NCOA5: variants seen among roughly 807,000 people sequenced by gnomAD.
NCOA5 encodes nuclear receptor coactivator 5.
In NCOA5, 12 loss-of-function variants were observed where a neutral mutation model predicts 59.0. The observed-to-expected ratio is 0.20, with a 90% CI of 0.13 to 0.33. NCOA5 has a LOEUF of 0.33. Ranked by LOEUF, NCOA5 falls within the 10% of genes least tolerant of loss-of-function variation. The pLI, the probability that NCOA5 is intolerant of heterozygous loss-of-function variation, is 1.00. For missense variants in NCOA5, 655 were observed against 766.6 expected (o/e 0.85, Z 1.72); for synonymous variants, 270 against 275.5 (o/e 0.98, Z 0.20).
chr20:46,064,206 G>A (rs896134072), intron 6 of NCOA5, among the ~76,000 whole-genome samples: 1 of 152,230 alleles, frequency 6.6e-6, no homozygotes, highest in African/African-American at 2.4e-5. Flanking sequence ...ACTGGGTAGT[G>A]AGAGGACTCC....
intron 4 of NCOA5, among the ~76,000 whole-genome samples, chr20:46,068,123 G>A: frequency 6.6e-6 from 1 of 151,982 alleles, no homozygotes; most frequent in East Asian, 1.9e-4. Context: ...TTGTAGAGAT[G>A]GGGTTTTATC....
At chr20:46,087,493 C>T (rs2085056789) in intron 1 of NCOA5, among the ~76,000 whole-genome samples, 1 of 152,234 alleles carries the variant, frequency 6.6e-6, no homozygotes, top group Non-Finnish European at 1.5e-5. Flanking sequence ...CGCGGTGGCT[C>T]ATGCCTGTAA....
chr20:46,086,661 A>C (rs2085048440), intron 1 of NCOA5, among the ~76,000 whole-genome samples: 1 of 152,236 alleles, frequency 6.6e-6, no homozygotes, highest in Non-Finnish European at 1.5e-5. Context: ...TATATGTGCT[A>C]TTCACAGGAC....
chr20:46,073,486 T>G (rs1462990669), intron 2 of NCOA5, among the ~76,000 whole-genome samples: 1 of 152,188 alleles, frequency 6.6e-6, no homozygotes. Flanking sequence ...ACATGTAACA[T>G]CTGATGTAGC....
At chr20:46,079,354 C>T in intron 2 of NCOA5, 33 bp downstream of exon 2, 1 of 1,612,708 alleles carries the variant, frequency 6.2e-7, no homozygotes, top group Non-Finnish European at 8.5e-7. Context: ...GCCCAACTCT[C>T]CCAAGGTAAC....
intron 2 of NCOA5, among the ~76,000 whole-genome samples, chr20:46,077,011 ACTC>A (rs2084944916): frequency 6.6e-6 from 1 of 152,118 alleles, no homozygotes; most frequent in African/African-American, 2.4e-5. Flanking sequence ...AACCCCCTGC[ACTC>A]AAGTGATTCT....
Position 46,062,889 on chromosome 20 carries a change from C to T in NCOA5, c.1151G>A (p.Gly384Asp), listed in dbSNP as rs1255108889. Residue 384 changes from glycine (G) to aspartate (D), a missense_variant and splice_region_variant, in exon 8 of 8, where the codon GGC (glycine) becomes GAC (aspartate). By Grantham distance (94) the Gly-to-Asp change is moderately conservative. Around this residue, in one of 3 missense-constraint regions of NCOA5, gnomAD observed 325 missense variants for 353.2 expected, o/e 0.92. Coordinates refer to ENST00000290231, the MANE Select transcript of NCOA5 (RefSeq NM_020967.3). ...LMRSSTDSLP[G>D]PISRQPLGAT... The stretch of plus-strand genomic sequence containing the variant: ...CCCGAGTGGTTGGCGGGAAATCGGG[C>T]CTGGAAGACAGAAGAGGGAGGTATC... 7 of 1,513,226 alleles carry T rather than the reference C, an allele frequency of 4.6e-6. No individual in the cohort carries two copies. The highest frequency in any genetic ancestry group is 6.2e-6 in the Non-Finnish European group (7 of 1,132,992). 93.7% of individuals were successfully genotyped at this position (1,513,226 alleles called of 1,614,324 possible).
At position 46,068,776 on chromosome 20, in the gene NCOA5, A is replaced by T; in HGVS notation, c.366-138T>A. ...ATTATCAGCTCTGTGGCTGTGATAGAGTTAACCTGTCTCACTGAGATGATG... is the reference window on the plus strand; with the variant it reads ...ATTATCAGCTCTGTGGCTGTGATAGTGTTAACCTGTCTCACTGAGATGATG... On this transcript the variant is annotated intron_variant, in intron 3 of 7. Transcript: ENST00000290231. The T allele has an allele frequency of 4.0e-6, 3 of 751,072 alleles. No homozygotes were observed. The South Asian group carries it at 6.4e-5, about 16-fold the overall frequency. 46.5% of individuals were successfully genotyped at this position (751,072 alleles called of 1,614,324 possible).
In NCOA5 at chr20:46,079,471, C is replaced by A. The variant is rs775243547; in HGVS notation, c.-29-18G>T. The A allele has an allele frequency of 1.3e-6, 2 of 1,583,712 alleles. No homozygotes were observed. The highest frequency in any genetic ancestry group is 1.3e-5 in the African/African-American group (1 of 74,202). On this transcript the variant is annotated intron_variant, in intron 1 of 7. Transcript: ENST00000290231. The stretch of plus-strand genomic sequence containing the variant: ...ATTAATATCTGAAAAGAATAATCAA[C>A]CCATCTGTTCAATGCTACGGAATAA...
At chr20:46,072,339 T>C (rs1422323145) in intron 2 of NCOA5, among the ~76,000 whole-genome samples, 1 of 152,206 alleles carries the variant, frequency 6.6e-6, no homozygotes, top group Non-Finnish European at 1.5e-5. Flanking sequence ...TTTATTTTTA[T>C]AGGGATGAGA....
chr20:46,089,386 A>T (rs889047009), intron 1 of NCOA5, among the ~76,000 whole-genome samples: 8 of 152,208 alleles, frequency 5.3e-5, no homozygotes, highest in Non-Finnish European at 8.8e-5. Flanking sequence ...GCCCGGTGCC[A>T]CGGGACGCCT....
At chr20:46,084,851 A>G (rs1300440362) in intron 1 of NCOA5, among the ~76,000 whole-genome samples, 2 of 152,238 alleles carry the variant, frequency 1.3e-5, no homozygotes, top group African/African-American at 4.8e-5. Context: ...CAGATTTAAA[A>G]CTGGCAAATT....
chr20:46,075,351 GT>G (rs930762100), intron 2 of NCOA5, among the ~76,000 whole-genome samples: 8 of 152,144 alleles, frequency 5.3e-5, no homozygotes, highest in African/African-American at 1.9e-4. Context: ...GAATTTCTTT[GT>G]GGCCCACCTA....
chr20:46,080,620 C>T (rs921294466), intron 1 of NCOA5, among the ~76,000 whole-genome samples: 1 of 152,052 alleles, frequency 6.6e-6, no homozygotes, highest in African/African-American at 2.4e-5. Flanking sequence ...GCTATTTTGC[C>T]AACTTTTGAG....
chr20:46,073,752 G>A (rs1017797331), intron 2 of NCOA5, among the ~76,000 whole-genome samples: 4 of 152,072 alleles, frequency 2.6e-5, no homozygotes, highest in Non-Finnish European at 1.5e-5. Flanking sequence ...CACCTTCGGA[G>A]TATTATAAGT....
intron 5 of NCOA5, 85 bp from the exon 6 acceptor site, chr20:46,065,313 A>AT: frequency 1.5e-6 from 2 of 1,319,214 alleles, no homozygotes; most frequent in Non-Finnish European, 2.2e-6. Context: ...GTTCCTACTG[A>AT]TAACTCAAAC....
chr20:46,079,254 G>T, intron 2 of NCOA5, 133 bp downstream of exon 2: 3 of 807,586 alleles, frequency 3.7e-6, no homozygotes, highest in African/African-American at 1.7e-5. Flanking sequence ...CTTCACACAG[G>T]GTTCATGTTC....
At chr20:46,085,004 T>C (rs2145555232) in intron 1 of NCOA5, among the ~76,000 whole-genome samples, 1 of 152,284 alleles carries the variant, frequency 6.6e-6, no homozygotes, top group Non-Finnish European at 1.5e-5. Flanking sequence ...CATGTGGAAA[T>C]GACACAGCTA....
At chr20:46,072,830 ATTTAC>A (rs1032860223) in intron 2 of NCOA5, among the ~76,000 whole-genome samples, 4 of 152,218 alleles carry the variant, frequency 2.6e-5, no homozygotes, top group African/African-American at 7.2e-5. Flanking sequence ...GACATTACAT[ATTTAC>A]TTAATGTCTG....
Sources: allele counts gnomAD v4.1 joint callset (sites outside exome capture counted in the v4.1 genomes callset), GRCh38; gene constraint gnomAD v4.1.1; regional missense constraint gnomAD v4.1.1; transcripts MANE v1.5; gene names NCBI Gene and HGNC (gene_info 2026-07-23, HGNC 2026-07-21).